Variants in TCF20 observed in about 807,000 individuals in gnomAD.
TCF20 encodes transcription factor 20, also known as SPRE-binding protein.
A neutral mutation model predicts 148.6 loss-of-function variants in TCF20; 3 were observed. The ratio of observed to expected loss-of-function variants is 0.02; its 90% confidence interval spans 0.01 to 0.05. The LOEUF is 0.05. TCF20 is among the 10% of genes least tolerant of loss of function. The probability of loss-of-function intolerance (pLI) is 1.00; values close to 1 mark genes in which losing one functional copy is unlikely to be tolerated. For synonymous variants in TCF20, 1,049 were observed against 909.5 expected, an observed-to-expected ratio of 1.15 and a Z score of -2.76; for missense variants, 2,350 against 2,429.3, an observed-to-expected ratio of 0.97 and a Z score of 0.69.
intron 1 of TCF20, among the ~76,000 whole-genome samples, chr22:42,254,614 CTG>C (rs1427951323): frequency 6.6e-6 from 1 of 152,236 alleles, no homozygotes; most frequent in Non-Finnish European, 1.5e-5. Flanking sequence ...ACCTCTCAGA[CTG>C]TGGCTCTTAA....
Position 42,160,547 on chromosome 22 carries a change from G to C in TCF20, c.*856C>G, listed in dbSNP as rs753615549. Reference sequence around the variant, plus strand: ...GATTTTGCTGCTGCTGTGTACACTTGATGGGGTCCTTGAGGTCCTCACCAG... The same window carrying C: ...GATTTTGCTGCTGCTGTGTACACTTCATGGGGTCCTTGAGGTCCTCACCAG... On this transcript the variant is annotated 3_prime_UTR_variant, in exon 6 of 6. Coordinates refer to ENST00000677622, the MANE Select transcript of TCF20 (RefSeq NM_001378418.1). 6.6e-6 allele frequency: 1 copy of C among 152,260 alleles called. No individual in the cohort carries two copies. The highest frequency in any genetic ancestry group is 1.5e-5 in the Non-Finnish European group (1 of 68,040). The allele number at this position is 152,260 out of a possible 1,614,324, so 9.4% of individuals were successfully genotyped here. A position where few individuals can be genotyped will look rare whatever the true frequency, so the allele number is the denominator to read the frequency against.
At chr22:42,229,066 T>A (rs919597534) in intron 1 of TCF20, among the ~76,000 whole-genome samples, 1 of 151,948 alleles carries the variant, frequency 6.6e-6, no homozygotes, top group African/African-American at 2.4e-5. Context: ...GAGTGACTGA[T>A]CCCTGCAATC....
chr22:42,198,665 GTTTT>G (rs56309420), intron 2 of TCF20, among the ~76,000 whole-genome samples: 8 of 140,582 alleles, frequency 5.7e-5, no homozygotes, highest in Non-Finnish European at 1.1e-4. Context: ...ATTTTTCCAA[GTTTT>G]TTTTTTTTTT....
At chr22:42,339,459 G>A (rs1446231442) in intron 1 of TCF20, among the ~76,000 whole-genome samples, 2 of 152,202 alleles carry the variant, frequency 1.3e-5, no homozygotes, top group African/African-American at 2.4e-5. Flanking sequence ...GGGCCATAGA[G>A]AAGCCCATAG....
intron 1 of TCF20, among the ~76,000 whole-genome samples, chr22:42,267,044 C>T (rs371743060): frequency 3.3e-4 from 50 of 151,412 alleles, no homozygotes; most frequent in Middle Eastern, 7.0e-3. Context: ...CTGAGGCAGG[C>T]GGCTCACCTG....
intron 1 of TCF20, among the ~76,000 whole-genome samples, chr22:42,218,213 G>A (rs529409126): frequency 2.0e-5 from 3 of 152,232 alleles, no homozygotes; most frequent in Admixed American, 2.0e-4. Context: ...AGGCAGCAGG[G>A]CTGGGGGCAG....
rs770046975 is a variant in TCF20 at position 42,289,066 on chromosome 22, G to A, written c.-37+54413C>T. On this transcript the variant is annotated intron_variant, in intron 1 of 1. Transcript: ENST00000515426. The stretch of plus-strand genomic sequence containing the variant: ...CTTCCATCCAGTGAAGCAGTCAGGC[G>A]GGGGCCGATGACTGGGAGGAAGGCC... Among the ~76,000 whole-genome samples the A allele has an allele frequency of 8.1e-4, 123 of 152,300 alleles. 1 individual carries two copies. The highest frequency in any genetic ancestry group is 6.8e-3 in the Middle Eastern group (2 of 292).
At chr22:42,222,761 C>A (rs6002657) in intron 1 of TCF20, among the ~76,000 whole-genome samples, 1 of 152,228 alleles carries the variant, frequency 6.6e-6, no homozygotes, top group Non-Finnish European at 1.5e-5. Context: ...AAATCTTCCT[C>A]TAAGCAGAGA....
upstream of TCF20, among the ~76,000 whole-genome samples, chr22:42,270,711 C>CGGGCGGGAGGGCGCGCGGCG (rs1555952135): frequency 1.5e-4 from 11 of 73,008 alleles, no homozygotes; most frequent in Non-Finnish European, 2.3e-4. Context: ...GGCGCGCGGG[C>CGGGCGGGAGGGCGCGCGGCG]GGGCGGGAGG....
rs202211712 is a variant in TCF20, at chr22:42,214,962, A to G, written c.344T>C (p.Val115Ala). 6 of 1,614,238 alleles carry G rather than the reference A, an allele frequency of 3.7e-6. No homozygotes were observed. The African/African-American group carries it at 8.0e-5, about 22-fold the overall frequency. ...CCCCTGGGGGGGTCCATAGCTCTGCACAGGCCCAGAAGGCCTTCGCTGAGG... is the reference window on the plus strand; with the variant it reads ...CCCCTGGGGGGGTCCATAGCTCTGCGCAGGCCCAGAAGGCCTTCGCTGAGG... Reference protein sequence around the residue: ...QPPQRRPSGPVQSYGPPQGSS... With the variant: ...QPPQRRPSGPAQSYGPPQGSS... The change falls in exon 2 of 6, where the codon GTG becomes GCG. Residue 115 changes from valine to alanine, a missense_variant. By Grantham distance (64) the Val-to-Ala change is moderately conservative (BLOSUM62 0). Transcript: ENST00000677622.
chr22:42,212,026 G>A lies in TCF20; in HGVS notation c.3280C>T (p.Pro1094Ser), dbSNP rs777951115. Residue 1094 changes from proline to serine, a missense_variant, in exon 2 of 6, where the codon CCA (proline) becomes TCA (serine). Around this residue, in one of 7 missense-constraint regions of TCF20, gnomAD observed 1,641 missense variants for 1,662.6 expected, o/e 0.99. Coordinates refer to ENST00000677622, the MANE Select transcript of TCF20 (RefSeq NM_001378418.1). ...CTGCTCCAGTCTTTATACTCCTCTGGTTGCTGTTGGTACATCTGTCTCTTA... is the reference window on the plus strand; with the variant it reads ...CTGCTCCAGTCTTTATACTCCTCTGATTGCTGTTGGTACATCTGTCTCTTA... ...HYKRQMYQQQ[P>S]EEYKDWSSGS... is the part of the protein sequence containing the mutation. 6 of 1,614,026 alleles carry A rather than the reference G, an allele frequency of 3.7e-6. No homozygotes were observed. The African/African-American group carries it at 8.0e-5, about 22-fold the overall frequency.
chr22:42,222,259 C>A lies in TCF20; in HGVS notation c.-36-6918G>T, dbSNP rs1922447913. Among the ~76,000 whole-genome samples the A allele has an allele frequency of 1.3e-5, 2 of 152,108 alleles. 1 individual carries two copies. The highest frequency in any genetic ancestry group is 2.9e-5 in the Non-Finnish European group (2 of 68,034). On this transcript the variant is annotated intron_variant, in intron 1 of 5. Transcript: ENST00000677622. ...CCCAACTGCCTATTCTCAAAGAAAA[C>A]CATGATCATCCCAAGCAAGAAGCTT... is the stretch of plus-strand genomic sequence containing the variant.
At chr22:42,273,060 C>G (rs2147007830), upstream of TCF20, among the ~76,000 whole-genome samples, 1 of 152,104 alleles carries the variant, frequency 6.6e-6, no homozygotes, top group East Asian at 1.9e-4. Flanking sequence ...TGTTGTGGGA[C>G]TCTCAAGAGA....
Position 42,209,924 on chromosome 22 carries a change from G to C in TCF20, c.5382C>G (p.Asp1794Glu). The change falls in exon 2 of 6, where the codon GAC (aspartate) becomes GAG (glutamate). Residue 1794 changes from aspartate (D) to glutamate (E), a missense_variant. Asp to Glu is a conservative substitution (Grantham distance 45). This residue lies in a region of TCF20 where 374 missense variants were observed against 398.3 expected (regional missense o/e 0.94). Coordinates refer to ENST00000677622, the MANE Select transcript of TCF20 (RefSeq NM_001378418.1). ...PRFKRRHRSE[D>E]CGGGPRSLSR... Reference sequence around the variant, plus strand: ...ACAGGGACCGAGGGCCTCCACCACAGTCTTCCGAGCGGTGGCGCCGCTTAA... The same window carrying C: ...ACAGGGACCGAGGGCCTCCACCACACTCTTCCGAGCGGTGGCGCCGCTTAA... 6.2e-7 allele frequency: 1 copy of C among 1,614,166 alleles called. No individual in the cohort carries two copies. Among genetic ancestry groups the C allele is most frequent in the Non-Finnish European group, 8.5e-7 (1 of 1,180,026 alleles).
At position 42,299,258 on chromosome 22, in the gene TCF20, C is replaced by T. The variant is rs780182296; in HGVS notation, c.-37+44221G>A. Among the ~76,000 whole-genome samples the T allele has an allele frequency of 1.3e-5, 2 of 152,152 alleles. No individual in the cohort carries two copies. The highest frequency in any genetic ancestry group is 2.4e-5 in the African/African-American group (1 of 41,412). ...CAGAGGACAATCACAGGGAGGACGGCGGCAAGGAGGTGAGGCCATGTCTGG... is the reference window on the plus strand; with the variant it reads ...CAGAGGACAATCACAGGGAGGACGGTGGCAAGGAGGTGAGGCCATGTCTGG... On this transcript the variant is annotated intron_variant, in intron 1 of 1. Transcript: ENST00000515426. This position sits in a 1 kb window ranked among gnomAD's most constrained non-coding sequence, Gnocchi z 4.1.
Position 42,213,541 on chromosome 22 carries a change from T to C in TCF20, c.1765A>G (p.Met589Val). 1.9e-6 allele frequency: 3 copies of C among 1,614,242 alleles called. No homozygotes were observed. The highest frequency in any genetic ancestry group is 1.6e-4 in the Middle Eastern group (1 of 6,062). ...EEATSPGAKD[M>V]PLSSDGNPKV... ...GGGTTCCCGTCGGATGACAATGGCA[T>C]GTCCTTAGCGCCTGGTGAGGTGGCC... The change falls in exon 2 of 6, where the codon ATG becomes GTG. Residue 589 changes from methionine to valine, a missense_variant. By Grantham distance (21) the Met-to-Val change is conservative. This residue lies in a region of TCF20 where 1,641 missense variants were observed against 1,662.6 expected (regional missense o/e 0.99). Coordinates refer to ENST00000677622, the MANE Select transcript of TCF20 (RefSeq NM_001378418.1).
In TCF20 at chr22:42,227,777, C is replaced by A. The variant is rs553300720; in HGVS notation, c.-36-12436G>T. ...TATTTCCTCGTGACCAGACTCAGGT[C>A]ATGCTTCCTTAGCGGCAATACCAGA... is the stretch of plus-strand genomic sequence containing the variant. On this transcript the variant is annotated intron_variant, in intron 1 of 5. Transcript: ENST00000677622. Among the ~76,000 whole-genome samples the A allele has an allele frequency of 1.2e-4, 19 of 152,352 alleles. No individual in the cohort carries two copies. In the South Asian group the frequency reaches 3.9e-3, roughly 32 times the overall value.
At chr22:42,250,813 A>G (rs1032865634) in intron 1 of TCF20, among the ~76,000 whole-genome samples, 3 of 152,232 alleles carry the variant, frequency 2.0e-5, no homozygotes, top group Non-Finnish European at 2.9e-5. Context: ...CAGGCTGTAC[A>G]GGAGGCATAG....
chr22:42,341,673 T>C (rs774706098), intron 1 of TCF20, among the ~76,000 whole-genome samples: 7 of 151,172 alleles, frequency 4.6e-5, no homozygotes, highest in South Asian at 2.1e-4. Context: ...CCAGTGTTCA[T>C]TCCTCAAAGA....
Sources: allele counts gnomAD v4.1 joint callset (sites outside exome capture counted in the v4.1 genomes callset), GRCh38; gene constraint gnomAD v4.1.1; regional missense constraint gnomAD v4.1.1; non-coding constraint Gnocchi (gnomAD v3.1); transcripts MANE v1.5; gene names NCBI Gene and HGNC (gene_info 2026-07-23, HGNC 2026-07-21).